HELQ: variants seen among roughly 807,000 people sequenced by gnomAD.
The protein encoded by HELQ is helicase POLQ-like.
Under a neutral mutation model 111.6 loss-of-function variants are expected in HELQ, and 77 were observed. That is an observed-to-expected ratio of 0.69 (90% CI 0.57 to 0.83). HELQ has a LOEUF of 0.83. Ranked by LOEUF, HELQ falls within the 40% of genes least tolerant of loss-of-function variation. The probability of loss-of-function intolerance (pLI) is 0.00; values close to 1 mark genes in which losing one functional copy is unlikely to be tolerated. For missense variants in HELQ, 1,200 were observed against 1,288.5 expected (o/e 0.93, Z 1.05); for synonymous variants, 438 against 454.7 (o/e 0.96, Z 0.47).
chr4:83,443,743 G>A (rs1294585599), intron 5 of HELQ, 129 bp from the exon 6 acceptor site: 2 of 505,942 alleles, frequency 4.0e-6, no homozygotes, highest in Non-Finnish European at 7.1e-6. Flanking sequence ...GGTGGGAGAG[G>A]TAAGTAAGAA....
chr4:83,447,516 T>C (rs896363710), intron 3 of HELQ, among the ~76,000 whole-genome samples: 1 of 152,140 alleles, frequency 6.6e-6, no homozygotes, highest in Non-Finnish European at 1.5e-5. Context: ...GCAAAATAAA[T>C]GCAACTTCTA....
chr4:83,451,878 C>T (rs1194539606), intron 2 of HELQ, among the ~76,000 whole-genome samples: 1 of 152,170 alleles, frequency 6.6e-6, no homozygotes, highest in African/African-American at 2.4e-5. Flanking sequence ...CTTGTAGAGT[C>T]TTTTATTAGA....
intron 14 of HELQ, among the ~76,000 whole-genome samples, chr4:83,425,457 AGTTAGT>A (rs1354445692): frequency 1.3e-5 from 2 of 152,186 alleles, no homozygotes; most frequent in East Asian, 3.8e-4. Flanking sequence ...TTTCTCTTAA[AGTTAGT>A]GTATGCATTT....
intron 7 of HELQ, among the ~76,000 whole-genome samples, chr4:83,440,812 A>G (rs1264566048): frequency 6.6e-6 from 1 of 152,214 alleles, no homozygotes; most frequent in East Asian, 1.9e-4. Context: ...AATACTTTAC[A>G]GTTTTGTTAA....
intron 14 of HELQ, among the ~76,000 whole-genome samples, chr4:83,425,210 G>A (rs531278371): frequency 9.9e-4 from 150 of 151,434 alleles, no homozygotes; most frequent in Middle Eastern, 6.8e-3. Flanking sequence ...AACCTGGAAG[G>A]TGGAGGTGTC....
intron 8 of HELQ, among the ~76,000 whole-genome samples, chr4:83,438,741 G>A (rs1413341927): frequency 3.1e-4 from 30 of 96,444 alleles, no homozygotes; most frequent in African/African-American, 7.8e-5. Context: ...GTGAGACCCT[G>A]TCTCAGGAAA....
intron 1 of HELQ, chr4:83,455,150 T>C: frequency 1.7e-6 from 1 of 599,312 alleles, no homozygotes; most frequent in South Asian, 2.3e-5. Context: ...GCTGCAGTTA[T>C]CTGGAAGCCT....
intron 16 of HELQ, among the ~76,000 whole-genome samples, chr4:83,417,204 T>C (rs936428722): frequency 1.3e-5 from 2 of 151,554 alleles, no homozygotes; most frequent in Non-Finnish European, 2.9e-5. Context: ...TTCTTTTCTT[T>C]TCTTTTTTTT....
At chr4:83,416,525 T>C (rs1739367145) in intron 17 of HELQ, among the ~76,000 whole-genome samples, 1 of 152,296 alleles carries the variant, frequency 6.6e-6, no homozygotes, top group South Asian at 2.1e-4. Flanking sequence ...GAAATTTTCT[T>C]TATTTTTTAG....
chr4:83,407,574 T>C lies in HELQ; in HGVS notation c.3199-14A>G, dbSNP rs779371201. 2 of 1,591,462 alleles carry C rather than the reference T, an allele frequency of 1.3e-6. No homozygotes were observed. The highest frequency in any genetic ancestry group is 4.5e-5 in the East Asian group (2 of 44,474). On this transcript the variant is annotated splice_polypyrimidine_tract_variant and intron_variant, in intron 17 of 17. Transcript: ENST00000295488. Reference sequence around the variant, plus strand: ...ATGCAACAGCATCTACATTAAAAAATTAAGACGTGAGGCCAAAATATGCAT... The same window carrying C: ...ATGCAACAGCATCTACATTAAAAAACTAAGACGTGAGGCCAAAATATGCAT...
At chr4:83,454,096 C>T (rs1378646928) in intron 1 of HELQ, 151 bp from the exon 2 acceptor site, 5 of 629,754 alleles carry the variant, frequency 7.9e-6, no homozygotes, top group African/African-American at 7.3e-5. Flanking sequence ...CCCAGCTACT[C>T]GGAGGCTCAG....
rs866998618 is a variant in HELQ, at chr4:83,448,476, C to A, written c.1191+307G>T. Among the ~76,000 whole-genome samples the A allele has an allele frequency of 2.8e-4, 42 of 151,952 alleles. 1 individual carries two copies. Among genetic ancestry groups the A allele is most frequent in the African/African-American group, 8.7e-4 (36 of 41,508 alleles). On this transcript the variant is annotated intron_variant, in intron 3 of 17. Coordinates refer to ENST00000295488, the MANE Select transcript of HELQ (RefSeq NM_133636.5). Reference sequence around the variant, plus strand: ...CTGGAGATCAGGAGTTTGAGACCAGCCTGGCCAATATGGTGAAACCCCGCC... The same window carrying A: ...CTGGAGATCAGGAGTTTGAGACCAGACTGGCCAATATGGTGAAACCCCGCC...
chr4:83,448,913 T>C lies in HELQ; in HGVS notation c.1061A>G (p.Asn354Ser). The change falls in exon 3 of 18, where the codon AAT becomes AGT. Residue 354 changes from asparagine (N) to serine (S), a missense_variant. Physicochemically the swap from Asn to Ser is conservative, Grantham distance 46. This residue lies in a region of HELQ where 610 missense variants were observed against 607.1 expected (regional missense o/e 1.00). Transcript: ENST00000295488. ...LTLNSVQERK[N>S]LIYSLPTSGG... ...ACTTGTTGGCAAGGAATATATTAAA[T>C]TTTTTCTTTCTTGCACAGAATTCAA... 1 of 1,612,318 alleles carries C rather than the reference T, an allele frequency of 6.2e-7. No homozygotes were observed. The highest frequency in any genetic ancestry group is 8.5e-7 in the Non-Finnish European group (1 of 1,178,706).
chr4:83,433,178 C>G (rs983885063), intron 9 of HELQ, among the ~76,000 whole-genome samples: 9 of 152,070 alleles, frequency 5.9e-5, no homozygotes, highest in Admixed American at 5.9e-4. Context: ...AGTCAACTTC[C>G]TCTTTATTTA....
intron 17 of HELQ, among the ~76,000 whole-genome samples, chr4:83,414,162 A>T (rs1213672538): frequency 1.3e-5 from 2 of 152,242 alleles, no homozygotes; most frequent in African/African-American, 2.4e-5. Flanking sequence ...GACATACATC[A>T]GCTAGGGTGG....
intron 17 of HELQ, among the ~76,000 whole-genome samples, chr4:83,414,422 G>A (rs924292871): frequency 6.6e-6 from 1 of 152,154 alleles, no homozygotes; most frequent in African/African-American, 2.4e-5. Flanking sequence ...ATTCTTTAAA[G>A]TTCTGTTGAC....
intron 5 of HELQ, among the ~76,000 whole-genome samples, chr4:83,445,464 A>G (rs1209798107): frequency 4.6e-5 from 7 of 152,370 alleles, no homozygotes; most frequent in Non-Finnish European, 1.0e-4. Flanking sequence ...TTGCAATAGC[A>G]TATCAATAGT....
chr4:83,409,141 A>T (rs932844169), intron 17 of HELQ, among the ~76,000 whole-genome samples: 4 of 152,156 alleles, frequency 2.6e-5, no homozygotes, highest in African/African-American at 9.7e-5. Context: ...ATACTTTGCT[A>T]CTCTGACAGA....
intron 17 of HELQ, among the ~76,000 whole-genome samples, chr4:83,412,745 G>T (rs1739168748): frequency 6.6e-6 from 1 of 152,150 alleles, no homozygotes; most frequent in Admixed American, 6.5e-5. Flanking sequence ...AACTGCTTGA[G>T]CCTGGGAGGG....
Sources: gnomAD v4.1 joint callset for allele counts (sites outside exome capture counted in the v4.1 genomes callset) on GRCh38, gnomAD v4.1.1 for gene constraint, gnomAD v4.1.1 regional missense constraint, MANE v1.5 for transcripts, NCBI Gene and HGNC (gene_info 2026-07-23, HGNC 2026-07-21) for gene names.